Variants in ST8SIA6 observed in about 807,000 individuals in gnomAD.
The protein encoded by ST8SIA6 is ST8 alpha-N-acetyl-neuraminide alpha-2,8-sialyltransferase 6, also known as alpha-2,8-sialyltransferase 8F.
ST8SIA6 carries 39 observed loss-of-function variants against 33.6 expected under a neutral mutation model. The observed-to-expected ratio is 1.16, with a 90% CI of 0.90 to 1.52. The LOEUF is 1.52. Ranked by LOEUF, ST8SIA6 falls within the 40% of genes most tolerant of loss-of-function variation. ST8SIA6 has a pLI of 0.00. For synonymous variants in ST8SIA6, 172 were observed against 167.2 expected, an observed-to-expected ratio of 1.03 and a Z score of -0.22; for missense variants, 441 against 443.8, an observed-to-expected ratio of 0.99 and a Z score of 0.06.
chr10:17,402,262 T>C (rs1851074944), intron 2 of ST8SIA6, among the ~76,000 whole-genome samples: 1 of 152,110 alleles, frequency 6.6e-6, no homozygotes, highest in Admixed American at 6.5e-5. Context: ...TGGCGATCAT[T>C]AAAAAGTCAA....
intron 4 of ST8SIA6, among the ~76,000 whole-genome samples, chr10:17,343,810 T>C (rs546486705): frequency 6.6e-6 from 1 of 152,316 alleles, no homozygotes; most frequent in East Asian, 1.9e-4. Flanking sequence ...CGCCAGACAG[T>C]GGCTCAGATA....
rs189107039 is a variant in ST8SIA6, at chr10:17,315,640, A to T, written c.*5238T>A. ...ACAAGAAATGAGTACAGACAGTAAG[A>T]TTCCATTTATATAAAATTCTAAAAA... On this transcript the variant is annotated 3_prime_UTR_variant, in exon 8 of 8. Transcript: ENST00000377602. Among the ~76,000 whole-genome samples the T allele has an allele frequency of 8.6e-4, 131 of 152,158 alleles. No individual in the cohort carries two copies. The highest frequency in any genetic ancestry group is 2.9e-3 in the African/African-American group (120 of 41,578).
At chr10:17,337,148 C>A (rs941172371) in intron 4 of ST8SIA6, among the ~76,000 whole-genome samples, 3 of 129,846 alleles carry the variant, frequency 2.3e-5, no homozygotes, top group Non-Finnish European at 4.9e-5. Flanking sequence ...ACCTCCCCTT[C>A]TCTCTCTTCC....
intron 4 of ST8SIA6, among the ~76,000 whole-genome samples, chr10:17,348,888 A>G (rs1276586710): frequency 6.6e-6 from 1 of 152,026 alleles, no homozygotes; most frequent in Non-Finnish European, 1.5e-5. Context: ...AGCCCTAGTC[A>G]AGGGCTAAGT....
In ST8SIA6 at chr10:17,317,137, A is replaced by C. The variant is rs1039378238; in HGVS notation, c.*3741T>G. Among the ~76,000 whole-genome samples, 2 of 152,146 alleles carry C rather than the reference A, an allele frequency of 1.3e-5. No individual in the cohort carries two copies. Among genetic ancestry groups the C allele is most frequent in the African/African-American group, 4.8e-5 (2 of 41,442 alleles). On this transcript the variant is annotated 3_prime_UTR_variant, in exon 8 of 8. Coordinates refer to ENST00000377602, the MANE Select transcript of ST8SIA6 (RefSeq NM_001004470.3). ...GGAGCCCAACTTTTTATATGGTGCAATGTAGGCATTTATTTTTCTCCATAG... is the reference window on the plus strand; with the variant it reads ...GGAGCCCAACTTTTTATATGGTGCACTGTAGGCATTTATTTTTCTCCATAG...
intron 3 of ST8SIA6, among the ~76,000 whole-genome samples, chr10:17,362,767 A>C (rs531940143): frequency 6.6e-6 from 1 of 152,248 alleles, no homozygotes; most frequent in Admixed American, 6.5e-5. Context: ...GCTGGAGTGC[A>C]GTGGTGGGAT....
Position 17,375,668 on chromosome 10 carries a change from A to T in ST8SIA6, c.290+14863T>A, listed in dbSNP as rs1273677028. Among the ~76,000 whole-genome samples, 56 of 152,214 alleles carry T rather than the reference A, an allele frequency of 3.7e-4. 1 individual carries two copies. Among genetic ancestry groups the T allele is most frequent in the Non-Finnish European group, 8.8e-5 (6 of 68,030 alleles). ...TGCAAGGCAGATGTTCCAAATCTTG[A>T]TTCTGAGCATTTGTATTTTACCCCA... On this transcript the variant is annotated intron_variant, in intron 3 of 7. Coordinates refer to ENST00000377602, the MANE Select transcript of ST8SIA6 (RefSeq NM_001004470.3).
At chr10:17,448,618 T>A (rs1852804382) in intron 2 of ST8SIA6, among the ~76,000 whole-genome samples, 1 of 151,456 alleles carries the variant, frequency 6.6e-6, no homozygotes, top group Admixed American at 6.6e-5. Context: ...TTCTTGTTGT[T>A]GTTGTTGTTG....
intron 2 of ST8SIA6, among the ~76,000 whole-genome samples, chr10:17,403,990 G>A (rs1272581565): frequency 2.0e-5 from 3 of 151,058 alleles, no homozygotes; most frequent in South Asian, 2.1e-4. Context: ...GCTTGAACCC[G>A]GGAGGCAGAG....
intron 6 of ST8SIA6, 75 bp downstream of exon 6, chr10:17,326,939 A>C: frequency 9.9e-7 from 1 of 1,014,686 alleles, no homozygotes. Flanking sequence ...TATACAATGG[A>C]TATCTTTACA....
At chr10:17,416,182 C>G (rs1851602679) in intron 2 of ST8SIA6, among the ~76,000 whole-genome samples, 1 of 152,100 alleles carries the variant, frequency 6.6e-6, no homozygotes, top group Non-Finnish European at 1.5e-5. Context: ...CCACATCACA[C>G]TCTCCTGGTT....
chr10:17,357,232 T>C (rs1849227527), intron 4 of ST8SIA6, among the ~76,000 whole-genome samples: 1 of 151,876 alleles, frequency 6.6e-6, no homozygotes, highest in African/African-American at 2.4e-5. Context: ...TTCAAGCGAT[T>C]CTCCTGCCTC....
rs923284523 is a variant in ST8SIA6 at position 17,315,823 on chromosome 10, T to G, written c.*5055A>C. Among the ~76,000 whole-genome samples the G allele has an allele frequency of 1.1e-4, 16 of 151,976 alleles. No homozygotes were observed. Among genetic ancestry groups the G allele is most frequent in the African/African-American group, 3.9e-4 (16 of 41,454 alleles). The stretch of plus-strand genomic sequence containing the variant: ...GGGGTAATGAATATATACATTGTCT[T>G]AATTGGAGAGACGGTTTCATGGGTA... On this transcript the variant is annotated 3_prime_UTR_variant, in exon 8 of 8. Transcript: ENST00000377602.
At chr10:17,427,570 CACAGTT>C (rs1335339057) in intron 2 of ST8SIA6, among the ~76,000 whole-genome samples, 1 of 152,212 alleles carries the variant, frequency 6.6e-6, no homozygotes, top group African/African-American at 2.4e-5. Context: ...TTTGCTGCCT[CACAGTT>C]ACAGAGGAGA....
chr10:17,334,616 A>C (rs1848448233), intron 4 of ST8SIA6, among the ~76,000 whole-genome samples: 1 of 151,714 alleles, frequency 6.6e-6, no homozygotes, highest in African/African-American at 2.4e-5. Context: ...ACAGTCACTA[A>C]AACAATACAT....
chr10:17,358,647 A>G (rs1849275999), intron 4 of ST8SIA6, among the ~76,000 whole-genome samples: 2 of 123,444 alleles, frequency 1.6e-5, no homozygotes, highest in Non-Finnish European at 3.5e-5. Context: ...GGAGAAGAAA[A>G]AGAATAAGGA....
intron 2 of ST8SIA6, among the ~76,000 whole-genome samples, chr10:17,406,945 C>T (rs1255055579): frequency 1.3e-5 from 2 of 152,068 alleles, no homozygotes; most frequent in Non-Finnish European, 2.9e-5. Context: ...CAGGCATGTG[C>T]CACCACACCT....
chr10:17,427,162 A>G (rs1851965185), intron 2 of ST8SIA6, among the ~76,000 whole-genome samples: 1 of 152,008 alleles, frequency 6.6e-6, no homozygotes, highest in Non-Finnish European at 1.5e-5. Flanking sequence ...GAAAAAACAG[A>G]GAAAAATGTT....
intron 4 of ST8SIA6, among the ~76,000 whole-genome samples, chr10:17,346,944 C>T (rs1020455802): frequency 1.3e-5 from 2 of 152,208 alleles, no homozygotes; most frequent in Non-Finnish European, 2.9e-5. Flanking sequence ...CATCTAAAAT[C>T]TGTAGGGTAA....
Sources: gnomAD v4.1 joint callset for allele counts (sites outside exome capture counted in the v4.1 genomes callset) on GRCh38, gnomAD v4.1.1 for gene constraint, MANE v1.5 for transcripts, NCBI Gene and HGNC (gene_info 2026-07-23, HGNC 2026-07-21) for gene names.